Variants in CHCHD6 observed in about 807,000 individuals in gnomAD.
CHCHD6 encodes the protein MICOS complex subunit MIC25.
Under a neutral mutation model 32.3 loss-of-function variants are expected in CHCHD6, and 28 were observed. The observed-to-expected ratio is 0.87, with a 90% CI of 0.64 to 1.19. The LOEUF (loss-of-function observed/expected upper bound fraction) is 1.19, where lower values mean the gene tolerates loss of function less well. CHCHD6 is among the 50% of genes most tolerant of loss of function. The pLI is 0.00. For missense variants in CHCHD6, 333 were observed against 307.0 expected (o/e 1.08, Z -0.63); for synonymous variants, 122 against 117.5 (o/e 1.04, Z -0.25).
chr3:126,926,737 T>C (rs995986234), intron 6 of CHCHD6, among the ~76,000 whole-genome samples: 8 of 152,130 alleles, frequency 5.3e-5, no homozygotes, highest in African/African-American at 1.7e-4. Flanking sequence ...TGGCAAGTCA[T>C]AAAAAAGGCT....
At chr3:126,781,600 G>T (rs1381775089) in intron 4 of CHCHD6, among the ~76,000 whole-genome samples, 2 of 152,230 alleles carry the variant, frequency 1.3e-5, no homozygotes, top group Non-Finnish European at 2.9e-5. Context: ...GTCAGGACTG[G>T]AGCAAGGGCT....
intron 4 of CHCHD6, among the ~76,000 whole-genome samples, chr3:126,781,626 A>AAAGATGCTGATCTGGAG: frequency 6.6e-6 from 1 of 152,218 alleles, no homozygotes; most frequent in South Asian, 2.1e-4. Flanking sequence ...CAGTCTGTAG[A>AAAGATGCTGATCTGGAG]AAGATGCTGA....
At chr3:126,830,789 T>C (rs1177872997) in intron 4 of CHCHD6, among the ~76,000 whole-genome samples, 3 of 152,172 alleles carry the variant, frequency 2.0e-5, no homozygotes, top group African/African-American at 7.2e-5. Flanking sequence ...AAACTCTGAG[T>C]GTCCCTCTGT....
intron 4 of CHCHD6, among the ~76,000 whole-genome samples, chr3:126,762,756 T>C (rs1937208885): frequency 6.6e-6 from 1 of 152,228 alleles, no homozygotes; most frequent in Non-Finnish European, 1.5e-5. Flanking sequence ...TGTTTTTCAG[T>C]GCATGTATAT....
chr3:126,870,642 C>T (rs1447802810), intron 5 of CHCHD6, among the ~76,000 whole-genome samples: 3 of 152,210 alleles, frequency 2.0e-5, no homozygotes, highest in South Asian at 2.1e-4. Flanking sequence ...TTAGTGTGCA[C>T]ACTGGGAAGC....
At chr3:126,720,652 T>G (rs1935237960) in intron 1 of CHCHD6, among the ~76,000 whole-genome samples, 1 of 152,182 alleles carries the variant, frequency 6.6e-6, no homozygotes, top group Non-Finnish European at 1.5e-5. Context: ...GCCCAGATCT[T>G]TTTGTTCAGC....
At chr3:126,713,336 T>C (rs1934851618) in intron 1 of CHCHD6, among the ~76,000 whole-genome samples, 1 of 152,218 alleles carries the variant, frequency 6.6e-6, no homozygotes, top group Non-Finnish European at 1.5e-5. Flanking sequence ...TCCCGGGGAC[T>C]GTTCAGAGTT....
chr3:126,768,202 G>C (rs1937452494), intron 4 of CHCHD6, among the ~76,000 whole-genome samples: 1 of 152,160 alleles, frequency 6.6e-6, no homozygotes, highest in Non-Finnish European at 1.5e-5. Context: ...CCTTAGTGCT[G>C]TTTGTGTGAT....
chr3:126,877,895 T>C lies in CHCHD6; in HGVS notation c.495+25165T>C, dbSNP rs550761669. Among the ~76,000 whole-genome samples, 12 of 152,378 alleles carry C rather than the reference T, an allele frequency of 7.9e-5. No individual in the cohort carries two copies. The South Asian group carries it at 2.1e-3, about 26-fold the overall frequency. On this transcript the variant is annotated intron_variant, in intron 5 of 7. Coordinates refer to ENST00000290913, the MANE Select transcript of CHCHD6 (RefSeq NM_032343.3). ...TACAATTATCTCAAAATAAAATGTATAGTTAAAAAAGTAATTTGGGTAACT... is the reference window on the plus strand; with the variant it reads ...TACAATTATCTCAAAATAAAATGTACAGTTAAAAAAGTAATTTGGGTAACT...
At chr3:126,829,962 G>A (rs546807135) in intron 4 of CHCHD6, among the ~76,000 whole-genome samples, 1 of 152,274 alleles carries the variant, frequency 6.6e-6, no homozygotes, top group Non-Finnish European at 1.5e-5. Flanking sequence ...GCTGGGTGTT[G>A]TGGCACGCAC....
chr3:126,788,143 G>A (rs187950260), intron 4 of CHCHD6, among the ~76,000 whole-genome samples: 13 of 152,314 alleles, frequency 8.5e-5, no homozygotes, highest in East Asian at 5.8e-4. Context: ...ATTTGCGTAT[G>A]TTGAACCAGC....
At chr3:126,941,658 G>A (rs2078561605) in intron 6 of CHCHD6, among the ~76,000 whole-genome samples, 1 of 152,164 alleles carries the variant, frequency 6.6e-6, no homozygotes, top group African/African-American at 2.4e-5. Flanking sequence ...TAGAAAGATT[G>A]TAAGAACAAA....
chr3:126,747,014 A>G (rs1936533681), intron 4 of CHCHD6, among the ~76,000 whole-genome samples: 1 of 152,188 alleles, frequency 6.6e-6, no homozygotes, highest in Non-Finnish European at 1.5e-5. Context: ...GCCTCTCCTC[A>G]GCTGAGTTGT....
At chr3:126,739,691 T>G (rs1206222404) in intron 4 of CHCHD6, among the ~76,000 whole-genome samples, 2 of 152,252 alleles carry the variant, frequency 1.3e-5, no homozygotes, top group Non-Finnish European at 2.9e-5. Flanking sequence ...CATTAACTTC[T>G]ACTTTAATTC....
At chr3:126,735,151 G>A (rs1054548989) in intron 4 of CHCHD6, among the ~76,000 whole-genome samples, 1 of 152,126 alleles carries the variant, frequency 6.6e-6, no homozygotes, top group African/African-American at 2.4e-5. Flanking sequence ...TATGGCATGA[G>A]CAGGAAAAGT....
chr3:126,850,939 TGGCATTCCAGA>T (rs761778411), intron 4 of CHCHD6, among the ~76,000 whole-genome samples: 4 of 152,202 alleles, frequency 2.6e-5, no homozygotes, highest in Non-Finnish European at 5.9e-5. Flanking sequence ...TCTGAAGTGT[TGGCATTCCAGA>T]GGCATTCCAG....
intron 4 of CHCHD6, among the ~76,000 whole-genome samples, chr3:126,835,919 T>C (rs1399596023): frequency 1.3e-5 from 2 of 152,218 alleles, no homozygotes; most frequent in African/African-American, 4.8e-5. Context: ...TGTAAAGGTT[T>C]CTCCTTGCCA....
intron 4 of CHCHD6, among the ~76,000 whole-genome samples, chr3:126,778,096 A>G (rs1481071772): frequency 6.6e-6 from 1 of 152,226 alleles, no homozygotes; most frequent in Non-Finnish European, 1.5e-5. Context: ...TGTAGCATGT[A>G]TTAGTACTTC....
At chr3:126,820,626 G>A (rs1336246196) in intron 4 of CHCHD6, among the ~76,000 whole-genome samples, 1 of 152,128 alleles carries the variant, frequency 6.6e-6, no homozygotes, top group African/African-American at 2.4e-5. Context: ...ATGAATATTT[G>A]TGTGTGTGTG....
Sources: allele counts gnomAD v4.1 joint callset (sites outside exome capture counted in the v4.1 genomes callset), GRCh38; gene constraint gnomAD v4.1.1; transcripts MANE v1.5; gene names NCBI Gene and HGNC (gene_info 2026-07-23, HGNC 2026-07-21).